The following DYSF variants were observed in gnomAD, a reference collection of about 807,000 sequenced individuals.
The protein encoded by DYSF is dystrophy-associated fer-1-like 1.
DYSF carries 212 observed loss-of-function variants against 274.9 expected under a neutral mutation model. That is an observed-to-expected ratio of 0.77 (90% CI 0.69 to 0.86). The LOEUF (loss-of-function observed/expected upper bound fraction) is 0.86, where lower values mean the gene tolerates loss of function less well. Among genes scored for constraint, DYSF ranks in the 40% least tolerant of loss-of-function variants. DYSF has a pLI of 0.00. For synonymous variants in DYSF, 1,091 were observed against 1,078.7 expected, an observed-to-expected ratio of 1.01 and a Z score of -0.22; for missense variants, 2,666 against 2,783.2, an observed-to-expected ratio of 0.96 and a Z score of 0.95.
Position 71,490,606 on chromosome 2 carries a change from C to T in DYSF, c.239+8636C>T, listed in dbSNP as rs145036136. ...CCTTCCAAAGTGTTGGGATTACAGG[C>T]GTGAGCCACTGCGCCCGGCCTGGTG... On this transcript the variant is annotated intron_variant, in intron 3 of 55. Coordinates refer to ENST00000410020, the MANE Select transcript of DYSF (RefSeq NM_001130987.2). Among the ~76,000 whole-genome samples the T allele has an allele frequency of 8.5e-4, 129 of 152,338 alleles. 1 individual carries two copies. In the East Asian group the frequency reaches 0.023, roughly 27 times the overall value.
intron 32 of DYSF, among the ~76,000 whole-genome samples, chr2:71,592,150 G>A (rs1359287995): frequency 6.6e-6 from 1 of 152,216 alleles, no homozygotes; most frequent in Non-Finnish European, 1.5e-5. Context: ...GATGGCCAGG[G>A]GGGGCCCAGG....
At chr2:71,653,519 A>G (rs982797361) in intron 42 of DYSF, among the ~76,000 whole-genome samples, 7 of 152,056 alleles carry the variant, frequency 4.6e-5, no homozygotes, top group South Asian at 2.1e-4. Flanking sequence ...AGGCACATGG[A>G]TGAAGCTGGA....
At position 71,508,938 on chromosome 2, in the gene DYSF, C is replaced by T. The variant is rs112639289; in HGVS notation, c.346-2869C>T. ...CACGATCCTGGCTCACTGCAGCCTC[C>T]GCCTCCCGGGTTCAACCAATCCTCC... is the stretch of plus-strand genomic sequence containing the variant. On this transcript the variant is annotated intron_variant, in intron 4 of 55. Coordinates refer to ENST00000410020, the MANE Select transcript of DYSF (RefSeq NM_001130987.2). Among the ~76,000 whole-genome samples the T allele has an allele frequency of 3.5e-3, 538 of 152,042 alleles. 3 individuals are homozygous for T. The highest frequency in any genetic ancestry group is 4.8e-3 in the African/African-American group (198 of 41,442).
chr2:71,674,096 A>T (rs952978156), intron 51 of DYSF, 101 bp from the exon 52 acceptor site: 17 of 1,013,872 alleles, frequency 1.7e-5, no homozygotes, highest in Non-Finnish European at 2.1e-5. Flanking sequence ...GGGACATCCT[A>T]CTCCTCTGCC....
intron 47 of DYSF, 125 bp downstream of exon 47, chr2:71,665,429 T>C (rs2094980108): frequency 4.0e-6 from 5 of 1,261,610 alleles, no homozygotes; most frequent in Non-Finnish European, 5.7e-6. Flanking sequence ...TGTGGGTCTC[T>C]CCAGGGCAGC....
intron 24 of DYSF, among the ~76,000 whole-genome samples, chr2:71,564,754 C>T (rs1179707985): frequency 6.6e-6 from 1 of 152,232 alleles, no homozygotes. Flanking sequence ...TCTCACCAGC[C>T]CCCACCTCTC....
intron 42 of DYSF, among the ~76,000 whole-genome samples, chr2:71,651,663 T>C (rs925841320): frequency 7.9e-5 from 12 of 152,166 alleles, no homozygotes; most frequent in Non-Finnish European, 1.6e-4. Context: ...TCGATTTTTA[T>C]AGAGCTAGAA....
At chr2:71,606,649 G>A (rs62145897) in intron 36 of DYSF, among the ~76,000 whole-genome samples, 4,228 of 152,240 alleles carry the variant, frequency 0.028, 100 homozygotes, top group South Asian at 0.041. Flanking sequence ...AGATCCCTTA[G>A]GACCATAGGA....
intron 1 of DYSF, among the ~76,000 whole-genome samples, chr2:71,475,284 AG>A (rs1170187057): frequency 6.6e-6 from 1 of 152,168 alleles, no homozygotes; most frequent in Non-Finnish European, 1.5e-5. Flanking sequence ...CTTGTGAGGA[AG>A]TCAACTTGCA....
At chr2:71,557,822 G>T (rs751530410) in intron 22 of DYSF, among the ~76,000 whole-genome samples, 12 of 152,128 alleles carry the variant, frequency 7.9e-5, no homozygotes, top group Non-Finnish European at 1.2e-4. Context: ...GAGGCAGACA[G>T]ATCACTTGAG....
Position 71,613,486 on chromosome 2 carries a change from CT to C in DYSF, c.4464+77del, listed in dbSNP as rs569034148. ...CTCATCAATTCCCACCCCTTCTCCC[CT>C]ACCCTTCATTATCACACAGCCTCTA... On this transcript the variant is annotated intron_variant, in intron 40 of 55. Transcript: ENST00000410020. 4.3e-3 allele frequency: 5,371 copies of C among 1,252,892 alleles called. 22 individuals are homozygous for C. Among genetic ancestry groups the C allele is most frequent in the Non-Finnish European group, 5.3e-3 (4,635 of 869,960 alleles). The allele number at this position is 1,252,892 out of a possible 1,614,324, so 77.6% of individuals were successfully genotyped here.
chr2:71,599,193 C>T (rs1321376724), intron 33 of DYSF, among the ~76,000 whole-genome samples: 1 of 152,188 alleles, frequency 6.6e-6, no homozygotes, highest in African/African-American at 2.4e-5. Flanking sequence ...GCACGGGTCC[C>T]CGAGTGCCTC....
chr2:71,528,191 C>T, intron 13 of DYSF, 107 bp from the exon 14 acceptor site: 1 of 1,011,986 alleles, frequency 9.9e-7, no homozygotes, highest in South Asian at 1.4e-5. Flanking sequence ...GGGGCCAAAG[C>T]TTCTTGCTCA....
intron 36 of DYSF, among the ~76,000 whole-genome samples, chr2:71,608,736 G>A (rs531051313): frequency 1.4e-5 from 2 of 145,302 alleles, no homozygotes; most frequent in Admixed American, 1.3e-4. Flanking sequence ...CGGAGCTCGA[G>A]GGAGCCCCGA....
rs376968642 is a variant in DYSF at position 71,455,217 on chromosome 2, C to T, written c.88+1131C>T. Among the ~76,000 whole-genome samples, 11 of 152,312 alleles carry T rather than the reference C, an allele frequency of 7.2e-5. No individual in the cohort carries two copies. The South Asian group carries it at 1.2e-3, about 17-fold the overall frequency. On this transcript the variant is annotated intron_variant, in intron 1 of 54. Transcript: ENST00000258104. Reference sequence around the variant, plus strand: ...GTGATGTTCCAAGGAATAAAAGCTCCGAAAGCACAGGCCTGTGTCCAGCTC... The same window carrying T: ...GTGATGTTCCAAGGAATAAAAGCTCTGAAAGCACAGGCCTGTGTCCAGCTC...
At chr2:71,504,664 G>C (rs534349681) in intron 4 of DYSF, among the ~76,000 whole-genome samples, 1 of 152,190 alleles carries the variant, frequency 6.6e-6, no homozygotes, top group African/African-American at 2.4e-5. Context: ...GTCAGGCTTG[G>C]TTCTCACTTC....
chr2:71,579,350 C>T (rs1041956055), intron 30 of DYSF, among the ~76,000 whole-genome samples: 1 of 152,266 alleles, frequency 6.6e-6, no homozygotes, highest in East Asian at 1.9e-4. Flanking sequence ...ACAGAAACGT[C>T]GGCAACGTGT....
intron 41 of DYSF, among the ~76,000 whole-genome samples, chr2:71,637,664 G>C (rs1163081299): frequency 6.6e-6 from 1 of 152,200 alleles, no homozygotes; most frequent in Non-Finnish European, 1.5e-5. Flanking sequence ...GTGGGGGGCT[G>C]ATGTGAAGTG....
At chr2:71,670,614 G>A (rs2095102638) in intron 51 of DYSF, among the ~76,000 whole-genome samples, 2 of 152,208 alleles carry the variant, frequency 1.3e-5, no homozygotes, top group South Asian at 4.1e-4. Context: ...AGCCAGAGGG[G>A]AGGCTGGATT....
Sources: allele counts gnomAD v4.1 joint callset (sites outside exome capture counted in the v4.1 genomes callset), GRCh38; gene constraint gnomAD v4.1.1; transcripts MANE v1.5; gene names NCBI Gene and HGNC (gene_info 2026-07-23, HGNC 2026-07-21).